The following TPD52 variants were observed in gnomAD, a reference collection of about 807,000 sequenced individuals.
The protein encoded by TPD52 is tumor protein D52.
Under a neutral mutation model 31.3 loss-of-function variants are expected in TPD52, and 17 were observed. The ratio of observed to expected loss-of-function variants is 0.54; its 90% confidence interval spans 0.37 to 0.82. The LOEUF (loss-of-function observed/expected upper bound fraction) is 0.82. Ranked by LOEUF, TPD52 falls within the 40% of genes least tolerant of loss-of-function variation. The pLI is 0.00. For missense variants in TPD52, 212 were observed against 240.1 expected (o/e 0.88, Z 0.77); for synonymous variants, 83 against 89.6 (o/e 0.93, Z 0.42).
At chr8:80,133,583 T>G (rs2131096644) in intron 1 of TPD52, among the ~76,000 whole-genome samples, 1 of 152,262 alleles carries the variant, frequency 6.6e-6, no homozygotes, top group African/African-American at 2.4e-5. Context: ...ACCCACTCAC[T>G]GAGCCAGAGA....
At chr8:80,072,796 C>CATATATATATATATATATAT (rs1465964502) in intron 1 of TPD52, among the ~76,000 whole-genome samples, 1 of 142,206 alleles carries the variant, frequency 7.0e-6, no homozygotes, top group African/African-American at 3.0e-5. Context: ...CACACACACA[C>CATATATATATATATATATAT]ACATATATAT....
intron 1 of TPD52, among the ~76,000 whole-genome samples, chr8:80,135,842 T>C (rs1288492416): frequency 7.2e-6 from 1 of 139,784 alleles, no homozygotes. Flanking sequence ...GGGACATGGA[T>C]GAAATTGGAA....
At chr8:80,123,864 G>C (rs1808423186) in intron 1 of TPD52, among the ~76,000 whole-genome samples, 1 of 152,154 alleles carries the variant, frequency 6.6e-6, no homozygotes, top group Non-Finnish European at 1.5e-5. Flanking sequence ...CATCTGGAAA[G>C]ATTTGGAAAT....
rs1392824949 is a variant in TPD52, at chr8:80,084,905, A to G, written c.20-20312T>C. Among the ~76,000 whole-genome samples the G allele has an allele frequency of 2.0e-5, 3 of 152,252 alleles. No individual in the cohort carries two copies. In the East Asian group the frequency reaches 5.8e-4, roughly 29 times the overall value. The stretch of plus-strand genomic sequence containing the variant: ...ACATTCACTTTAGATGCTACCTGAA[A>G]TGGAAAAAAGCAATACAAATGCCTA... On this transcript the variant is annotated intron_variant, in intron 1 of 7. Coordinates refer to ENST00000518937, the MANE Select transcript of TPD52 (RefSeq NM_001025253.3).
chr8:80,139,226 A>G (rs188307404), intron 1 of TPD52, among the ~76,000 whole-genome samples: 276 of 152,350 alleles, frequency 1.8e-3, no homozygotes, highest in African/African-American at 6.1e-3. Context: ...CAATTAGGAC[A>G]GTGTTTTGTT....
At chr8:80,162,948 A>G (rs1055744537) in intron 1 of TPD52, among the ~76,000 whole-genome samples, 2 of 120,638 alleles carry the variant, frequency 1.7e-5, no homozygotes, top group African/African-American at 6.5e-5. Flanking sequence ...AACAAAACAA[A>G]CAAACAAACA....
intron 1 of TPD52, among the ~76,000 whole-genome samples, chr8:80,086,344 C>G (rs1310940485): frequency 3.3e-5 from 5 of 151,522 alleles, no homozygotes; most frequent in African/African-American, 9.7e-5. Context: ...GTCTCGATCT[C>G]CTGACCTCGT....
At chr8:80,045,908 G>T (rs1323681141) in intron 5 of TPD52, among the ~76,000 whole-genome samples, 1 of 152,170 alleles carries the variant, frequency 6.6e-6, no homozygotes, top group African/African-American at 2.4e-5. Flanking sequence ...CGCTGAAAAA[G>T]AAGGTAATGG....
In TPD52 at chr8:80,038,025, G is replaced by A. The variant is rs1305344679; in HGVS notation, c.*91C>T. ...TGTAAAGCTAAATAAAAGCACATCT[G>A]GTAGAAATTCATGGCAATGCATGTT... On this transcript the variant is annotated 3_prime_UTR_variant, in exon 8 of 8. Transcript: ENST00000518937. The A allele has an allele frequency of 6.5e-7, 1 of 1,529,932 alleles. No individual in the cohort carries two copies. The highest frequency in any genetic ancestry group is 1.4e-5 in the African/African-American group (1 of 72,294). 94.8% of individuals were successfully genotyped at this position (1,529,932 alleles called of 1,614,324 possible).
At chr8:80,122,599 G>A (rs770688477) in intron 1 of TPD52, among the ~76,000 whole-genome samples, 17 of 152,124 alleles carry the variant, frequency 1.1e-4, no homozygotes, top group Admixed American at 5.2e-4. Flanking sequence ...CTTGGGAAGA[G>A]AAGAGACAAA....
chr8:80,147,860 C>T (rs1464048732), intron 1 of TPD52, among the ~76,000 whole-genome samples: 4 of 151,844 alleles, frequency 2.6e-5, no homozygotes, highest in African/African-American at 9.7e-5. Context: ...ACACACCCCC[C>T]ACACCCCCTG....
At chr8:80,112,687 C>T (rs1295832515) in intron 1 of TPD52, among the ~76,000 whole-genome samples, 2 of 152,170 alleles carry the variant, frequency 1.3e-5, no homozygotes, top group African/African-American at 2.4e-5. Flanking sequence ...AACACTGAAG[C>T]GACTTATCAG....
Position 80,036,725 on chromosome 8 carries a change from TA to T in TPD52, c.*1390del, listed in dbSNP as rs1809937340. ...TATAACAATCAACACCTGTGGCTTTTAAAATTTGGTTTTCATAAGATAATTT... is the reference window on the plus strand; with the variant it reads ...TATAACAATCAACACCTGTGGCTTTTAAATTTGGTTTTCATAAGATAATTT... On this transcript the variant is annotated 3_prime_UTR_variant, in exon 8 of 8. Transcript: ENST00000518937. 6.5e-6 allele frequency: 1 copy of T among 152,678 alleles called. No homozygotes were observed. Among genetic ancestry groups the T allele is most frequent in the African/African-American group, 2.4e-5 (1 of 41,472 alleles). 9.5% of individuals were successfully genotyped at this position (152,678 alleles called of 1,614,324 possible). A position where few individuals can be genotyped will look rare whatever the true frequency, so the allele number is the denominator to read the frequency against.
intron 2 of TPD52, among the ~76,000 whole-genome samples, chr8:80,055,761 A>G (rs1009844125): frequency 2.0e-5 from 3 of 152,254 alleles, no homozygotes; most frequent in Non-Finnish European, 4.4e-5. Flanking sequence ...AGAGACATAT[A>G]AATGGCCAAC....
chr8:80,154,741 ACAC>A (rs1810825398), intron 1 of TPD52, among the ~76,000 whole-genome samples: 5 of 80,646 alleles, frequency 6.2e-5, no homozygotes, highest in Admixed American at 1.2e-4. Flanking sequence ...ACACACACAC[ACAC>A]ACACACACAA....
At chr8:80,072,067 T>A (rs535387974) in intron 1 of TPD52, among the ~76,000 whole-genome samples, 3 of 149,654 alleles carry the variant, frequency 2.0e-5, no homozygotes, top group Admixed American at 2.0e-4. Context: ...TCCCAGCACT[T>A]TGGGAGACCC....
intron 1 of TPD52, among the ~76,000 whole-genome samples, chr8:80,127,177 G>T (rs1808677639): frequency 6.6e-6 from 1 of 151,600 alleles, no homozygotes; most frequent in African/African-American, 2.4e-5. Flanking sequence ...TTCAGGTTTA[G>T]AAACCACTGT....
At chr8:80,086,162 G>A (rs2130857871) in intron 1 of TPD52, among the ~76,000 whole-genome samples, 1 of 135,570 alleles carries the variant, frequency 7.4e-6, no homozygotes, top group South Asian at 2.3e-4. Flanking sequence ...TCTGTTGCCA[G>A]GCTGGAGTGC....
intron 1 of TPD52, among the ~76,000 whole-genome samples, chr8:80,142,294 C>A (rs1282486267): frequency 6.6e-6 from 1 of 152,194 alleles, no homozygotes; most frequent in Non-Finnish European, 1.5e-5. Flanking sequence ...AGATTCTCAT[C>A]TACCCCGTAC....
Sources: allele counts gnomAD v4.1 joint callset (sites outside exome capture counted in the v4.1 genomes callset), GRCh38; gene constraint gnomAD v4.1.1; transcripts MANE v1.5; gene names NCBI Gene and HGNC (gene_info 2026-07-23, HGNC 2026-07-21).